The following ZFHX3 variants were observed in gnomAD, a reference collection of about 807,000 sequenced individuals.
ZFHX3 encodes zinc finger homeobox protein 3.
In ZFHX3, 42 loss-of-function variants were observed where a neutral mutation model predicts 279.1. That is an observed-to-expected ratio of 0.15 (90% CI 0.12 to 0.19). The LOEUF is 0.19. ZFHX3 is among the 10% of genes least tolerant of loss of function. The probability of loss-of-function intolerance (pLI) is 1.00; values close to 1 mark genes in which losing one functional copy is unlikely to be tolerated. For synonymous variants in ZFHX3, 2,293 were observed against 1,957.8 expected (o/e 1.17, Z -4.52); for missense variants, 4,981 against 4,754.0 (o/e 1.05, Z -1.40).
chr16:72,886,819 A>G (rs1424058337), intron 4 of ZFHX3, among the ~76,000 whole-genome samples: 1 of 152,210 alleles, frequency 6.6e-6, no homozygotes, highest in Non-Finnish European at 1.5e-5. Flanking sequence ...GCTCCCCTAC[A>G]GCCAGATGGC....
intron 9 of ZFHX3, 189 bp from the exon 10 acceptor site, chr16:72,789,037 G>A (rs2143315317): frequency 1.6e-6 from 1 of 642,448 alleles, no homozygotes; most frequent in Non-Finnish European, 2.5e-6. Flanking sequence ...TTCTAATGAG[G>A]ACTCAGTCCT....
intron 4 of ZFHX3, among the ~76,000 whole-genome samples, chr16:72,832,856 G>C (rs16971315): frequency 0.033 from 5,008 of 152,272 alleles, 601 homozygotes; most frequent in East Asian, 0.28. Flanking sequence ...TCTGGTCCTG[G>C]AGAAATAAAA....
At chr16:73,560,454 A>G (rs2020352840) in intron 2 of ZFHX3, among the ~76,000 whole-genome samples, 1 of 152,136 alleles carries the variant, frequency 6.6e-6, no homozygotes, top group Non-Finnish European at 1.5e-5. Context: ...ATTCACACGG[A>G]TTTGATGATC....
intron 1 of ZFHX3, among the ~76,000 whole-genome samples, chr16:73,682,906 G>GAAA (rs1323501382): frequency 3.5e-5 from 1 of 28,704 alleles, no homozygotes; most frequent in African/African-American, 8.2e-5. Flanking sequence ...AAGAAAGAAA[G>GAAA]AGAAAGAAAG....
intron 7 of ZFHX3, among the ~76,000 whole-genome samples, chr16:72,808,692 T>C (rs2036345998): frequency 6.6e-6 from 1 of 152,208 alleles, no homozygotes; most frequent in Admixed American, 6.5e-5. Context: ...GAGGTTTCTA[T>C]ACAAGGTACC....
At chr16:73,207,312 T>C (rs951508312) in intron 5 of ZFHX3, among the ~76,000 whole-genome samples, 4 of 152,138 alleles carry the variant, frequency 2.6e-5, no homozygotes, top group African/African-American at 9.7e-5. Context: ...TACTGCTCTT[T>C]TATGAAGTAA....
At chr16:73,506,687 C>T (rs759960896) in intron 2 of ZFHX3, among the ~76,000 whole-genome samples, 1 of 152,136 alleles carries the variant, frequency 6.6e-6, no homozygotes. Context: ...TCTCCTTCTG[C>T]TTAGGTGCAA....
At chr16:73,478,977 G>A (rs549950985) in intron 2 of ZFHX3, among the ~76,000 whole-genome samples, 41 of 152,184 alleles carry the variant, frequency 2.7e-4, no homozygotes, top group African/African-American at 8.7e-4. Context: ...GCTTGAACCC[G>A]GGAGGCAGAT....
intron 4 of ZFHX3, among the ~76,000 whole-genome samples, chr16:73,275,197 T>C (rs554282968): frequency 5.3e-5 from 8 of 152,334 alleles, no homozygotes; most frequent in African/African-American, 1.9e-4. Flanking sequence ...GTTCCATTTC[T>C]GGCCCATAGG....
At chr16:72,901,921 C>G (rs1427739564) in intron 3 of ZFHX3, among the ~76,000 whole-genome samples, 1 of 152,188 alleles carries the variant, frequency 6.6e-6, no homozygotes, top group Non-Finnish European at 1.5e-5. Context: ...CCCCCACCCC[C>G]TTTTTAAGTC....
At chr16:73,541,847 G>A (rs980427279) in intron 2 of ZFHX3, among the ~76,000 whole-genome samples, 1 of 137,432 alleles carries the variant, frequency 7.3e-6, no homozygotes, top group Non-Finnish European at 1.5e-5. Context: ...CTGTCACCCA[G>A]GCTGGAGTGC....
intron 5 of ZFHX3, among the ~76,000 whole-genome samples, chr16:72,827,950 G>C (rs967283441): frequency 1.3e-5 from 2 of 152,138 alleles, no homozygotes; most frequent in African/African-American, 4.8e-5. Context: ...CCCGCCCTGC[G>C]TATCTCTCCC....
chr16:72,831,219 A>G (rs1457224195), intron 4 of ZFHX3, among the ~76,000 whole-genome samples: 1 of 152,212 alleles, frequency 6.6e-6, no homozygotes, highest in Non-Finnish European at 1.5e-5. Flanking sequence ...AACACTGAGG[A>G]AGAAGATGTC....
At chr16:73,863,853 A>G (rs1420675395) in intron 1 of ZFHX3, among the ~76,000 whole-genome samples, 2 of 152,210 alleles carry the variant, frequency 1.3e-5, no homozygotes, top group Non-Finnish European at 2.9e-5. Context: ...ATCTTTTCAC[A>G]GTCATAATTT....
intron 1 of ZFHX3, among the ~76,000 whole-genome samples, chr16:73,040,118 G>T (rs1039616829): frequency 1.3e-5 from 2 of 152,128 alleles, no homozygotes; most frequent in African/African-American, 4.8e-5. Context: ...AGCAAGAGTA[G>T]GCCTCTAACA....
At chr16:73,634,600 G>T (rs546210202) in intron 2 of ZFHX3, among the ~76,000 whole-genome samples, 6 of 151,922 alleles carry the variant, frequency 3.9e-5, no homozygotes, top group African/African-American at 1.2e-4. Flanking sequence ...AACCCATTTT[G>T]CACCTATGGG....
chr16:73,589,231 G>A (rs969732508), intron 2 of ZFHX3, among the ~76,000 whole-genome samples: 3 of 113,636 alleles, frequency 2.6e-5, no homozygotes, highest in African/African-American at 1.0e-4. Context: ...CTGCACTCCA[G>A]CCTGGGCGAC....
intron 4 of ZFHX3, among the ~76,000 whole-genome samples, chr16:72,862,846 A>T (rs188257868): frequency 0.011 from 1,612 of 144,700 alleles, 15 homozygotes; most frequent in Middle Eastern, 0.068. Context: ...GAAAAAAAAA[A>T]GTTAGAAGAG....
At chr16:73,847,343 G>A (rs1331177195) in intron 1 of ZFHX3, among the ~76,000 whole-genome samples, 1 of 152,100 alleles carries the variant, frequency 6.6e-6, no homozygotes, top group Non-Finnish European at 1.5e-5. Context: ...TCCTGTCCTA[G>A]GAACATGAGC....
Sources: gnomAD v4.1 joint callset for allele counts (sites outside exome capture counted in the v4.1 genomes callset) on GRCh38, gnomAD v4.1.1 for gene constraint, MANE v1.5 for transcripts, NCBI Gene and HGNC (gene_info 2026-07-23, HGNC 2026-07-21) for gene names.